KCNC2: variants seen among roughly 807,000 people sequenced by gnomAD.
KCNC2 encodes potassium voltage-gated channel subfamily C member 2.
Under a neutral mutation model 44.5 loss-of-function variants are expected in KCNC2, and 21 were observed. The ratio of observed to expected loss-of-function variants is 0.47; its 90% confidence interval spans 0.33 to 0.68. KCNC2 has a LOEUF of 0.68. Ranked by LOEUF, KCNC2 falls within the 30% of genes least tolerant of loss-of-function variation. The pLI, the probability that KCNC2 is intolerant of heterozygous loss-of-function variation, is 0.01. For synonymous variants in KCNC2, 391 were observed against 339.1 expected (o/e 1.15, Z -1.68); for missense variants, 589 against 826.2 (o/e 0.71, Z 3.52).
intron 2 of KCNC2, among the ~76,000 whole-genome samples, chr12:75,102,154 G>T (rs1004152301): frequency 5.9e-5 from 9 of 151,984 alleles, no homozygotes; most frequent in African/African-American, 2.2e-4. Context: ...TCAGCCAGTA[G>T]GGAAGAAGGA....
intron 2 of KCNC2, among the ~76,000 whole-genome samples, chr12:75,184,932 T>C (rs1892831586): frequency 6.6e-6 from 1 of 152,194 alleles, no homozygotes; most frequent in Non-Finnish European, 1.5e-5. Context: ...ATTGTGACAG[T>C]TGATATCTTC....
At chr12:75,058,948 A>C (rs1215456425) in intron 2 of KCNC2, among the ~76,000 whole-genome samples, 1 of 151,948 alleles carries the variant, frequency 6.6e-6, no homozygotes, top group Non-Finnish European at 1.5e-5. Flanking sequence ...CTCTTTGCTA[A>C]TCAGCTTAGG....
intron 2 of KCNC2, among the ~76,000 whole-genome samples, chr12:75,116,914 T>C (rs564861555): frequency 1.3e-5 from 2 of 152,314 alleles, no homozygotes; most frequent in East Asian, 3.9e-4. Flanking sequence ...CTTTAAAGGG[T>C]AGCATCTCAT....
intron 2 of KCNC2, among the ~76,000 whole-genome samples, chr12:75,140,803 T>G (rs1889595544): frequency 6.6e-6 from 1 of 151,980 alleles, no homozygotes; most frequent in African/African-American, 2.4e-5. Flanking sequence ...ACGATTAATG[T>G]CATAGACTCA....
chr12:75,123,450 C>T (rs1888183289), intron 2 of KCNC2, among the ~76,000 whole-genome samples: 1 of 152,200 alleles, frequency 6.6e-6, no homozygotes, highest in Non-Finnish European at 1.5e-5. Flanking sequence ...TCCTAAGCAA[C>T]CACTTTCCCA....
chr12:75,042,264 C>T lies in KCNC2; in HGVS notation c.*841G>A, dbSNP rs1309739909. On this transcript the variant is annotated 3_prime_UTR_variant, in exon 5 of 5. Transcript: ENST00000549446. Reference sequence around the variant, plus strand: ...GCAATTTCTGGCTAAACAATGCAAGCCTGGCTGGCAGTTACCTTTCTCTCA... The same window carrying T: ...GCAATTTCTGGCTAAACAATGCAAGTCTGGCTGGCAGTTACCTTTCTCTCA... 1.9e-6 allele frequency: 3 copies of T among 1,605,858 alleles called. No individual in the cohort carries two copies. Among genetic ancestry groups the T allele is most frequent in the East Asian group, 2.2e-5 (1 of 44,590 alleles).
chr12:75,179,924 T>C (rs1174065262), intron 2 of KCNC2, among the ~76,000 whole-genome samples: 2 of 151,786 alleles, frequency 1.3e-5, no homozygotes, highest in Non-Finnish European at 3.0e-5. Flanking sequence ...AATTGCACTG[T>C]ATCTTAATCA....
intron 2 of KCNC2, among the ~76,000 whole-genome samples, chr12:75,153,989 G>GA (rs1197291358): frequency 6.6e-6 from 1 of 151,334 alleles, no homozygotes; most frequent in African/African-American, 2.4e-5. Context: ...CGTACTTATT[G>GA]AAAAAAAACT....
chr12:75,130,613 A>G (rs546612446), intron 2 of KCNC2, among the ~76,000 whole-genome samples: 12 of 152,296 alleles, frequency 7.9e-5, no homozygotes, highest in African/African-American at 2.9e-4. Context: ...CATCAATAAG[A>G]AATTATTATA....
chr12:75,063,391 A>G (rs1341056952), intron 2 of KCNC2, among the ~76,000 whole-genome samples: 1 of 152,086 alleles, frequency 6.6e-6, no homozygotes, highest in Non-Finnish European at 1.5e-5. Context: ...TTAAACTTGG[A>G]TTGAATTGAT....
At chr12:75,142,965 A>G (rs1889761428) in intron 2 of KCNC2, among the ~76,000 whole-genome samples, 3 of 152,174 alleles carry the variant, frequency 2.0e-5, no homozygotes, top group Admixed American at 2.0e-4. Context: ...TTTACTTTAA[A>G]AGTTTCATGA....
chr12:75,160,699 T>C (rs1891066901), intron 2 of KCNC2, among the ~76,000 whole-genome samples: 1 of 151,850 alleles, frequency 6.6e-6, no homozygotes, highest in South Asian at 2.1e-4. Context: ...TGGATGTGCA[T>C]TGATATCCTC....
chr12:75,067,065 G>A (rs961003733), intron 2 of KCNC2, among the ~76,000 whole-genome samples: 4 of 152,032 alleles, frequency 2.6e-5, no homozygotes, highest in Admixed American at 2.6e-4. Context: ...AGCCAGCCGT[G>A]GTGGCATGCA....
chr12:75,152,277 AAG>A (rs1018028252), intron 2 of KCNC2, among the ~76,000 whole-genome samples: 10 of 151,280 alleles, frequency 6.6e-5, no homozygotes, highest in African/African-American at 2.4e-4. Context: ...AGTAAAAAAA[AAG>A]AGTATCAAAA....
At chr12:75,074,354 C>A (rs780952582) in intron 2 of KCNC2, among the ~76,000 whole-genome samples, 3 of 150,588 alleles carry the variant, frequency 2.0e-5, no homozygotes, top group Non-Finnish European at 4.4e-5. Context: ...AGATTTGAGA[C>A]CCATGCAGTG....
chr12:75,044,865 G>C (rs1490866547), intron 4 of KCNC2: 1 of 151,872 alleles, frequency 6.6e-6, no homozygotes, highest in Non-Finnish European at 1.5e-5. Flanking sequence ...TTAGTATTCT[G>C]AGCTATAAAA....
Position 75,048,261 on chromosome 12 carries a change from G to C in KCNC2, c.1672C>G (p.Leu558Val), listed in dbSNP as rs745953604. ...SEPPLSPPER[L>V]PIRRSSTRDK... ...CTGGTACTAGAGCGTCTGATGGGGA[G>C]CCTTTCTGGGGGTGATAGTGGCGGC... Residue 558 changes from leucine (L) to valine (V), a missense_variant, in exon 4 of 5, where the codon CTC becomes GTC. Leu to Val is a conservative substitution (Grantham distance 32). Coordinates refer to ENST00000549446, the MANE Select transcript of KCNC2 (RefSeq NM_139137.4). 1.9e-6 allele frequency: 3 copies of C among 1,613,044 alleles called. No individual in the cohort carries two copies. In the Admixed American group the frequency reaches 5.0e-5, roughly 27 times the overall value.
Position 75,078,561 on chromosome 12 carries a change from A to C in KCNC2, c.688-27244T>G, listed in dbSNP as rs146342275. Among the ~76,000 whole-genome samples, 560 of 152,278 alleles carry C rather than the reference A, an allele frequency of 3.7e-3. 6 individuals are homozygous for C. The highest frequency in any genetic ancestry group is 0.013 in the African/African-American group (546 of 41,566). ...CTTACTATACAAATAGTACTGTTCT[A>C]AGCTGTGTACATGTATGAACTCATT... On this transcript the variant is annotated intron_variant, in intron 2 of 4. Coordinates refer to ENST00000549446, the MANE Select transcript of KCNC2 (RefSeq NM_139137.4).
chr12:75,060,458 T>C (rs376741494), intron 2 of KCNC2, among the ~76,000 whole-genome samples: 1 of 152,022 alleles, frequency 6.6e-6, no homozygotes, highest in East Asian at 1.9e-4. Context: ...TGGAATGTTC[T>C]TTTAAAAACC....
Sources: gnomAD v4.1 joint callset for allele counts (sites outside exome capture counted in the v4.1 genomes callset) on GRCh38, gnomAD v4.1.1 for gene constraint, MANE v1.5 for transcripts, NCBI Gene and HGNC (gene_info 2026-07-23, HGNC 2026-07-21) for gene names.